Variants in NCKAP5 observed in about 807,000 individuals in gnomAD.
NCKAP5 encodes the protein NCK associated protein 5.
Under a neutral mutation model 167.0 loss-of-function variants are expected in NCKAP5, and 92 were observed. The ratio of observed to expected loss-of-function variants is 0.55; its 90% CI spans 0.47 to 0.66. NCKAP5 has a LOEUF of 0.66. NCKAP5 is among the 30% of genes least tolerant of loss of function. The pLI, the probability that NCKAP5 is intolerant of heterozygous loss-of-function variation, is 0.00. For missense variants in NCKAP5, 2,378 were observed against 2,315.0 expected, an observed-to-expected ratio of 1.03 and a Z score of -0.56; for synonymous variants, 891 against 877.4, an observed-to-expected ratio of 1.02 and a Z score of -0.27.
intron 6 of NCKAP5, among the ~76,000 whole-genome samples, chr2:133,060,437 A>G (rs1315370310): frequency 1.3e-5 from 2 of 152,314 alleles, no homozygotes; most frequent in Admixed American, 1.3e-4. Context: ...AAGTATAAAC[A>G]CTATGAAAGA....
At chr2:133,087,185 C>G (rs1251625390) in intron 6 of NCKAP5, among the ~76,000 whole-genome samples, 1 of 152,190 alleles carries the variant, frequency 6.6e-6, no homozygotes, top group Non-Finnish European at 1.5e-5. Flanking sequence ...AGAGAGGTTG[C>G]TGAAACTTTC....
At chr2:133,387,933 T>A (rs1160267068) in intron 3 of NCKAP5, among the ~76,000 whole-genome samples, 2 of 152,226 alleles carry the variant, frequency 1.3e-5, no homozygotes, top group African/African-American at 4.8e-5. Context: ...TTATTCTAGT[T>A]AGCCATTCAT....
chr2:133,546,569 G>C (rs1405085737), intron 2 of NCKAP5, among the ~76,000 whole-genome samples: 1 of 152,064 alleles, frequency 6.6e-6, no homozygotes, highest in African/African-American at 2.4e-5. Context: ...TCATTCAGTG[G>C]GGCTTTGGAA....
At chr2:133,027,763 A>C (rs929913332) in intron 6 of NCKAP5, among the ~76,000 whole-genome samples, 2 of 152,218 alleles carry the variant, frequency 1.3e-5, no homozygotes, top group African/African-American at 4.8e-5. Flanking sequence ...CAATTTATAA[A>C]ATTATAATTC....
chr2:132,675,833 C>A (rs1344494860), intron 19 of NCKAP5, among the ~76,000 whole-genome samples: 2 of 143,338 alleles, frequency 1.4e-5, no homozygotes, highest in African/African-American at 5.8e-5. Flanking sequence ...AAAGAAGGGA[C>A]CATTATTTAA....
intron 11 of NCKAP5, among the ~76,000 whole-genome samples, chr2:132,813,948 G>C (rs1410570489): frequency 6.6e-6 from 1 of 152,218 alleles, no homozygotes; most frequent in Non-Finnish European, 1.5e-5. Context: ...GCTGGGATAA[G>C]AAAGAGATCA....
At chr2:132,812,831 C>T (rs1036047139) in intron 11 of NCKAP5, among the ~76,000 whole-genome samples, 7 of 152,132 alleles carry the variant, frequency 4.6e-5, no homozygotes, top group East Asian at 3.9e-4. Flanking sequence ...CCAGTGTCTG[C>T]GGAGGGCCTA....
At chr2:133,547,166 G>A (rs182680905) in intron 2 of NCKAP5, among the ~76,000 whole-genome samples, 10 of 152,144 alleles carry the variant, frequency 6.6e-5, no homozygotes, top group South Asian at 4.1e-4. Flanking sequence ...TGCGCTATTC[G>A]GACCGGCTTA....
chr2:133,644,175 T>C, the NCKAP5 span, among the ~76,000 whole-genome samples: 14,500 of 152,134 alleles, frequency 0.095, 791 homozygotes, highest in African/African-American at 0.12. Context: ...AATTGGCAGG[T>C]TAGGTAAAGC....
Position 132,769,366 on chromosome 2 carries a change from C to G in NCKAP5, c.5128+4450G>C, listed in dbSNP as rs934573295. Among the ~76,000 whole-genome samples the G allele has an allele frequency of 3.3e-5, 5 of 152,254 alleles. No homozygotes were observed. In the South Asian group the frequency reaches 1.0e-3, roughly 32 times the overall value. On this transcript the variant is annotated intron_variant, in intron 16 of 19. Coordinates refer to ENST00000409261, the MANE Select transcript of NCKAP5 (RefSeq NM_207363.3). ...CACAACTTTCTTGATTGTTCTCTGT[C>G]AAAGACATTAGTTAATATTGGTTAA...
chr2:133,052,700 A>G lies in NCKAP5; in HGVS notation c.342-58461T>C, dbSNP rs371426275. On this transcript the variant is annotated intron_variant, in intron 6 of 19. Transcript: ENST00000409261. ...GCCACTGCACTCCAGCCTGGGCGAC[A>G]AAAGAGAAACTCTGTCACAAAAAAA... Among the ~76,000 whole-genome samples the G allele has an allele frequency of 1.2e-4, 19 of 152,018 alleles. 2 individuals carry two copies. In the South Asian group the frequency reaches 3.9e-3, roughly 32 times the overall value.
chr2:132,740,557 T>G (rs1236318344), intron 16 of NCKAP5, among the ~76,000 whole-genome samples: 1 of 152,210 alleles, frequency 6.6e-6, no homozygotes, highest in East Asian at 1.9e-4. Context: ...GTGATTATAC[T>G]GGTTATTTAT....
intron 16 of NCKAP5, among the ~76,000 whole-genome samples, chr2:132,740,360 T>C (rs1428025630): frequency 6.6e-6 from 1 of 152,132 alleles, no homozygotes; most frequent in African/African-American, 2.4e-5. Context: ...TTAAGCTACA[T>C]GTGGTATTGG....
intron 6 of NCKAP5, among the ~76,000 whole-genome samples, chr2:133,009,841 G>C (rs1303714175): frequency 6.6e-6 from 1 of 151,992 alleles, no homozygotes; most frequent in Non-Finnish European, 1.5e-5. Flanking sequence ...AGGCCGAGGT[G>C]GGTGGATCGT....
intron 8 of NCKAP5, among the ~76,000 whole-genome samples, chr2:132,946,733 T>TA (rs1365009065): frequency 6.6e-6 from 1 of 151,950 alleles, no homozygotes; most frequent in African/African-American, 2.4e-5. Context: ...CCTGTCTCTA[T>TA]AAAAAAATAC....
the NCKAP5 span, among the ~76,000 whole-genome samples, chr2:133,613,142 A>C: frequency 6.6e-6 from 1 of 152,158 alleles, no homozygotes; most frequent in Non-Finnish European, 1.5e-5. Flanking sequence ...ATACCCAAAA[A>C]AGTTATTGAA....
At chr2:132,860,850 A>T (rs1314284841) in intron 10 of NCKAP5, among the ~76,000 whole-genome samples, 2 of 152,212 alleles carry the variant, frequency 1.3e-5, no homozygotes, top group African/African-American at 2.4e-5. Context: ...GCATTAATCT[A>T]GCATGCTATT....
chr2:133,198,001 A>T (rs984463929), intron 5 of NCKAP5, among the ~76,000 whole-genome samples: 1 of 152,192 alleles, frequency 6.6e-6, no homozygotes, highest in Non-Finnish European at 1.5e-5. Context: ...ATGTCTCAGC[A>T]AAGAAACACA....
At chr2:133,545,510 T>C (rs1465203476) in intron 2 of NCKAP5, among the ~76,000 whole-genome samples, 3 of 152,136 alleles carry the variant, frequency 2.0e-5, no homozygotes, top group South Asian at 2.1e-4. Context: ...ATCAGCATCA[T>C]GATACAGAGT....
Sources: gnomAD v4.1 joint callset for allele counts (sites outside exome capture counted in the v4.1 genomes callset) on GRCh38, gnomAD v4.1.1 for gene constraint, MANE v1.5 for transcripts, NCBI Gene and HGNC (gene_info 2026-07-23, HGNC 2026-07-21) for gene names.